The following RIC1 variants were observed in gnomAD, a reference collection of about 807,000 sequenced individuals.
RIC1 encodes the protein RIC1 partner of RAB6A GEF complex.
In RIC1, 88 loss-of-function variants were observed where a neutral mutation model predicts 169.0. That is an observed-to-expected ratio of 0.52 (90% CI 0.44 to 0.62). RIC1 has a LOEUF of 0.62. Ranked by LOEUF, RIC1 falls within the 20% of genes least tolerant of loss-of-function variation. The pLI is 0.00. For synonymous variants in RIC1, 790 were observed against 601.5 expected (o/e 1.31, Z -4.59); for missense variants, 1,877 against 1,725.5 (o/e 1.09, Z -1.56).
chr9:5,757,385 G>C lies in RIC1; in HGVS notation c.1926G>C (p.Leu642=). 1.9e-6 allele frequency: 3 copies of C among 1,613,996 alleles called. No homozygotes were observed. Among genetic ancestry groups the C allele is most frequent in the African/African-American group, 1.3e-5 (1 of 75,020 alleles). Residue 642 remains leucine, a synonymous_variant, in exon 17 of 26, where the codon CTG becomes CTC. Transcript: ENST00000414202. ...CACGCTACATTCCTCACCCTTTCCT[G>C]GTGGTATCTGTCACTCTGACATCAG... ...SMSRYIPHPF[L]VVSVTLTSVS...
chr9:5,635,976 C>G (rs901474881), intron 1 of RIC1, among the ~76,000 whole-genome samples: 1 of 152,224 alleles, frequency 6.6e-6, no homozygotes, highest in South Asian at 2.1e-4. Context: ...AATGGACTAA[C>G]ACACAGGTAA....
At chr9:5,701,657 T>G (rs1822228946) in intron 3 of RIC1, among the ~76,000 whole-genome samples, 1 of 152,152 alleles carries the variant, frequency 6.6e-6, no homozygotes, top group Non-Finnish European at 1.5e-5. Flanking sequence ...TTGTTTTCTA[T>G]CCATCTTCCT....
At chr9:5,773,502 T>C (rs1374065630) in intron 25 of RIC1, among the ~76,000 whole-genome samples, 1 of 152,048 alleles carries the variant, frequency 6.6e-6, no homozygotes, top group Non-Finnish European at 1.5e-5. Context: ...CAAATTAGAG[T>C]TGTGGTTGCA....
intron 2 of RIC1, among the ~76,000 whole-genome samples, chr9:5,666,175 G>T (rs1442862244): frequency 6.6e-6 from 1 of 152,176 alleles, no homozygotes. Flanking sequence ...GTGGATTGAG[G>T]TCTCACGTAA....
intron 2 of RIC1, among the ~76,000 whole-genome samples, chr9:5,680,848 A>T (rs867801962): frequency 6.7e-5 from 3 of 44,482 alleles, no homozygotes; most frequent in Admixed American, 4.1e-4. Flanking sequence ...TTTTTTTGAG[A>T]CGGAGTCTCG....
chr9:5,770,444 G>C (rs1827131446), intron 23 of RIC1, among the ~76,000 whole-genome samples, 166 bp downstream of exon 23: 1 of 152,192 alleles, frequency 6.6e-6, no homozygotes, highest in African/African-American at 2.4e-5. Flanking sequence ...AACTGGCCTT[G>C]ACTGTACTTT....
At chr9:5,730,102 AC>A (rs1824270749) in intron 6 of RIC1, among the ~76,000 whole-genome samples, 1 of 152,190 alleles carries the variant, frequency 6.6e-6, no homozygotes, top group Non-Finnish European at 1.5e-5. Flanking sequence ...AATACAAATT[AC>A]AAGAAAACAG....
At chr9:5,733,157 A>G (rs1318628644) in intron 7 of RIC1, among the ~76,000 whole-genome samples, 1 of 151,670 alleles carries the variant, frequency 6.6e-6, no homozygotes, top group Admixed American at 6.6e-5. Context: ...TCTTTCTTAA[A>G]TAAAAAATCC....
intron 2 of RIC1, among the ~76,000 whole-genome samples, chr9:5,662,750 C>T (rs1819530542): frequency 6.6e-6 from 1 of 152,034 alleles, no homozygotes; most frequent in South Asian, 2.1e-4. Flanking sequence ...ATCTAGCTAG[C>T]AGTCTATGTA....
In RIC1 at chr9:5,774,208, C is replaced by T; in HGVS notation, c.4234C>T (p.Pro1412Ser). The change falls in exon 26 of 26, where the codon CCT becomes TCT. Residue 1412 changes from proline to serine, a missense_variant. Pro to Ser is a moderately conservative substitution (Grantham distance 74). Around this residue, in one of 3 missense-constraint regions of RIC1, gnomAD observed 681 missense variants for 582.0 expected, o/e 1.17. Coordinates refer to ENST00000414202, the MANE Select transcript of RIC1 (RefSeq NM_020829.4). ...EDTAQAEEEE[P>S]FQDGTYDCSV... The stretch of plus-strand genomic sequence containing the variant: ...CACAGCCCAAGCAGAGGAGGAAGAA[C>T]CTTTTCAGGATGGGACTTACGACTG... 1 of 1,613,308 alleles carries T rather than the reference C, an allele frequency of 6.2e-7. No individual in the cohort carries two copies. Among genetic ancestry groups the T allele is most frequent in the Non-Finnish European group, 8.5e-7 (1 of 1,179,622 alleles).
chr9:5,743,277 C>T (rs1026512944), intron 9 of RIC1, among the ~76,000 whole-genome samples: 14 of 152,114 alleles, frequency 9.2e-5, no homozygotes, highest in African/African-American at 3.1e-4. Flanking sequence ...CAGAATCAGG[C>T]ATGGTTCTGC....
intron 2 of RIC1, among the ~76,000 whole-genome samples, chr9:5,681,435 C>A (rs1338288752): frequency 2.6e-5 from 4 of 152,054 alleles, no homozygotes. Flanking sequence ...TGTTCAGTGT[C>A]CATGTAGTTG....
intron 3 of RIC1, among the ~76,000 whole-genome samples, chr9:5,703,165 T>G (rs1460329562): frequency 6.6e-6 from 1 of 152,200 alleles, no homozygotes; most frequent in Non-Finnish European, 1.5e-5. Flanking sequence ...TAGTCTCTTC[T>G]GCCTATGAGC....
At chr9:5,726,325 A>C (rs36154376) in intron 6 of RIC1, among the ~76,000 whole-genome samples, 2 of 151,986 alleles carry the variant, frequency 1.3e-5, no homozygotes, top group African/African-American at 4.8e-5. Flanking sequence ...CTTTGTCTCT[A>C]TTGATCTTTG....
At chr9:5,735,151 C>A (rs1240201692) in intron 7 of RIC1, among the ~76,000 whole-genome samples, 1 of 151,824 alleles carries the variant, frequency 6.6e-6, no homozygotes, top group African/African-American at 2.4e-5. Context: ...TTTTTTGAGT[C>A]TGAGTCGATT....
chr9:5,714,415 A>G lies in RIC1; in HGVS notation c.440+412A>G, dbSNP rs181666006. On this transcript the variant is annotated intron_variant, in intron 4 of 25. Transcript: ENST00000414202. The stretch of plus-strand genomic sequence containing the variant: ...GAAAGTTACACTTTTTCATCCAAGT[A>G]TGAATAAAGGTTTTATGACAAAGTG... 4.5e-4 allele frequency among the ~76,000 whole-genome samples: 69 copies of G among 152,318 alleles called. No individual in the cohort carries two copies. In the Middle Eastern group the frequency reaches 0.014, roughly 30 times the overall value.
Position 5,641,493 on chromosome 9 carries a change from T to C in RIC1, c.144+12040T>C, listed in dbSNP as rs535825458. 7.2e-5 allele frequency among the ~76,000 whole-genome samples: 11 copies of C among 152,262 alleles called. No individual in the cohort carries two copies. The South Asian group carries it at 1.9e-3, about 26-fold the overall frequency. The stretch of plus-strand genomic sequence containing the variant: ...TCTAGGTTTGGGAAGTTCTCTCTTA[T>C]CCCTTTGAATGAACTTTCTACTCCG... On this transcript the variant is annotated intron_variant, in intron 1 of 25. Transcript: ENST00000414202.
chr9:5,739,389 C>T (rs1017718580), intron 8 of RIC1, among the ~76,000 whole-genome samples: 5 of 152,156 alleles, frequency 3.3e-5, no homozygotes, highest in African/African-American at 1.2e-4. Context: ...CAGCCTGATC[C>T]AACTCTGTGT....
chr9:5,761,104 CTTTTTTTTTTTT>C (rs71326188), intron 17 of RIC1, among the ~76,000 whole-genome samples: 3 of 94,664 alleles, frequency 3.2e-5, no homozygotes, highest in Non-Finnish European at 6.1e-5. Flanking sequence ...CCAGCCTCAC[CTTTTTTTTTTTT>C]TTTTTTTTTT....
Sources: gnomAD v4.1 joint callset for allele counts (sites outside exome capture counted in the v4.1 genomes callset) on GRCh38, gnomAD v4.1.1 for gene constraint, gnomAD v4.1.1 regional missense constraint, MANE v1.5 for transcripts, NCBI Gene and HGNC (gene_info 2026-07-23, HGNC 2026-07-21) for gene names.